SEPTIN9: variants seen among roughly 807,000 people sequenced by gnomAD.
SEPTIN9 encodes the protein septin 9.
A neutral mutation model predicts 56.6 loss-of-function variants in SEPTIN9; 13 were observed. The observed-to-expected ratio is 0.23, with a 90% CI of 0.15 to 0.37. The LOEUF (loss-of-function observed/expected upper bound fraction) is 0.37. SEPTIN9 is among the 10% of genes least tolerant of loss of function. The pLI is 1.00. For synonymous variants in SEPTIN9, 332 were observed against 334.1 expected (o/e 0.99, Z 0.07); for missense variants, 650 against 823.1 (o/e 0.79, Z 2.57).
chr17:77,447,227 C>T (rs2037775254), intron 3 of SEPTIN9: 1 of 166,898 alleles, frequency 6.0e-6, no homozygotes, highest in South Asian at 2.1e-4. Flanking sequence ...GTGCGTAGGC[C>T]TCCGGACGGG....
At chr17:77,357,773 C>T (rs2034299895) in intron 2 of SEPTIN9, among the ~76,000 whole-genome samples, 2 of 152,162 alleles carry the variant, frequency 1.3e-5, no homozygotes, top group Admixed American at 6.5e-5. Flanking sequence ...CACCACCACA[C>T]CCAGCTTCAT....
At chr17:77,370,430 C>T (rs2034683912) in intron 2 of SEPTIN9, among the ~76,000 whole-genome samples, 1 of 152,284 alleles carries the variant, frequency 6.6e-6, no homozygotes, top group South Asian at 2.1e-4. Flanking sequence ...TTAGGGCCCA[C>T]CTTATCTTGA....
At chr17:77,482,481 G>A (rs2039497161) in intron 4 of SEPTIN9, 146 bp downstream of exon 4, 3 of 833,694 alleles carry the variant, frequency 3.6e-6, no homozygotes, top group Admixed American at 2.0e-5. Flanking sequence ...CAGTGACATT[G>A]CGTGTGCATG....
At position 77,369,269 on chromosome 17, in the gene SEPTIN9, G is replaced by C. The variant is rs927915758; in HGVS notation, c.77-32790G>C. 6.6e-6 allele frequency among the ~76,000 whole-genome samples: 1 copy of C among 152,134 alleles called. No homozygotes were observed. Among genetic ancestry groups the C allele is most frequent in the African/African-American group, 2.4e-5 (1 of 41,432 alleles). ...AAAAGAAAGAAATTGGCCAAGGCAG[G>C]AATATTGACACCACAGGAATAGGCA... On this transcript the variant is annotated intron_variant, in intron 2 of 11. Transcript: ENST00000427177. The surrounding 1 kb of genome is among the most constrained non-coding windows in gnomAD (Gnocchi z 4.9).
In SEPTIN9 at chr17:77,425,314, C is replaced by G. The variant is rs1199184999; in HGVS notation, c.721+22611C>G. On this transcript the variant is annotated intron_variant, in intron 3 of 11. Transcript: ENST00000427177. This position sits in a 1 kb window ranked among gnomAD's most constrained non-coding sequence, Gnocchi z 4.2. ...AAGCCTCTGGGCTTTGCAAGCTGGA[C>G]TCCCCAGATCTGTGGCTGTGGGGCC... Among the ~76,000 whole-genome samples, 1 of 152,212 alleles carries G rather than the reference C, an allele frequency of 6.6e-6. No individual in the cohort carries two copies. Among genetic ancestry groups the G allele is most frequent in the Non-Finnish European group, 1.5e-5 (1 of 68,026 alleles).
At chr17:77,373,252 G>A (rs1466031270) in intron 2 of SEPTIN9, 27 of 1,138,360 alleles carry the variant, frequency 2.4e-5, no homozygotes, top group Non-Finnish European at 2.7e-5. Flanking sequence ...GCCGGTGCGG[G>A]TGCGGGAACC....
intron 2 of SEPTIN9, among the ~76,000 whole-genome samples, chr17:77,391,120 C>T (rs2035525933): frequency 6.6e-6 from 1 of 152,190 alleles, no homozygotes; most frequent in East Asian, 1.9e-4. Context: ...AGGCTGCCTC[C>T]TGCCAGGCTA....
intron 2 of SEPTIN9, chr17:77,376,240 T>A: frequency 1.0e-6 from 1 of 985,984 alleles, no homozygotes; most frequent in Non-Finnish European, 1.2e-6. Context: ...CCTGTGAAGA[T>A]CATATGGGCC....
At chr17:77,339,577 T>A (rs1223631799) in intron 2 of SEPTIN9, among the ~76,000 whole-genome samples, 1 of 152,004 alleles carries the variant, frequency 6.6e-6, no homozygotes. Context: ...TGGCATGATC[T>A]CGGCTCATTG....
chr17:77,491,390 G>A (rs1163965522), intron 8 of SEPTIN9, among the ~76,000 whole-genome samples: 1 of 151,962 alleles, frequency 6.6e-6, no homozygotes, highest in African/African-American at 2.4e-5. Flanking sequence ...TAGAGACGAG[G>A]TTTTGCCATG....
rs750202770 is a variant in SEPTIN9 at position 77,402,742 on chromosome 17, T to TG, written c.721+45dup. 1 of 1,515,890 alleles carries TG rather than the reference T, an allele frequency of 6.6e-7. No individual in the cohort carries two copies. The allele number at this position is 1,515,890 out of a possible 1,614,324, so 93.9% of individuals were successfully genotyped here. On this transcript the variant is annotated intron_variant, in intron 3 of 11. Coordinates refer to ENST00000427177, the MANE Select transcript of SEPTIN9 (RefSeq NM_001113491.2). The surrounding 1 kb of genome is among the most constrained non-coding windows in gnomAD (Gnocchi z 6.6). ...CGCTAGGTCTTGGATGCTGTGGTAA[T>TG]GGGGGGCCTGGTTGCTGGCTTTGCC...
chr17:77,490,687 C>A, intron 7 of SEPTIN9, 55 bp from the exon 8 acceptor site: 3 of 1,325,292 alleles, frequency 2.3e-6, no homozygotes, highest in Non-Finnish European at 3.2e-6. Context: ...GGGGTGGGTG[C>A]CCCCCCACTG....
rs1016716505 is a variant in SEPTIN9, at chr17:77,433,803, C to T, written c.721+31100C>T. On this transcript the variant is annotated intron_variant, in intron 3 of 11. Transcript: ENST00000427177. The surrounding 1 kb of genome is among the most constrained non-coding windows in gnomAD (Gnocchi z 6.4). The stretch of plus-strand genomic sequence containing the variant: ...GCCCTCCCCTCCTGGGTATCCCCTG[C>T]GCCCCCCGCCCCAGGCACTTGATGT... Among the ~76,000 whole-genome samples, 3 of 152,120 alleles carry T rather than the reference C, an allele frequency of 2.0e-5. No individual in the cohort carries two copies. The highest frequency in any genetic ancestry group is 2.9e-5 in the Non-Finnish European group (2 of 68,012).
intron 2 of SEPTIN9, among the ~76,000 whole-genome samples, chr17:77,383,579 G>C (rs1225179296): frequency 1.3e-5 from 2 of 152,174 alleles, no homozygotes; most frequent in African/African-American, 2.4e-5. Flanking sequence ...CCGACCCTGG[G>C]GTCTGACGGG....
chr17:77,453,568 G>T lies in SEPTIN9; in HGVS notation c.722-28576G>T, dbSNP rs1476480886. ...TGCAGTGAGCTGAGATTGTGCTACT[G>T]CACTCCAGTCTGGGCAACAAGAGTG... On this transcript the variant is annotated intron_variant, in intron 3 of 11. Coordinates refer to ENST00000427177, the MANE Select transcript of SEPTIN9 (RefSeq NM_001113491.2). This position sits in a 1 kb window ranked among gnomAD's most constrained non-coding sequence, Gnocchi z 4.4. Among the ~76,000 whole-genome samples, 1 of 149,306 alleles carries T rather than the reference G, an allele frequency of 6.7e-6. No individual in the cohort carries two copies. The highest frequency in any genetic ancestry group is 2.5e-5 in the African/African-American group (1 of 40,142).
At chr17:77,333,060 C>G (rs2033423465) in intron 2 of SEPTIN9, among the ~76,000 whole-genome samples, 1 of 152,172 alleles carries the variant, frequency 6.6e-6, no homozygotes, top group African/African-American at 2.4e-5. Flanking sequence ...AGTGGCCCTT[C>G]CATTTCACAC....
rs185816563 is a variant in SEPTIN9, at chr17:77,437,437, T to G, written c.721+34734T>G. ...TCATCTTGCTGGATGTGTGGCTGCC[T>G]TTATGTAACCAACTCTCTCACGGAG... On this transcript the variant is annotated intron_variant, in intron 3 of 11. Transcript: ENST00000427177. The surrounding 1 kb of genome is among the most constrained non-coding windows in gnomAD (Gnocchi z 5.3). Among the ~76,000 whole-genome samples, 17 of 151,586 alleles carry G rather than the reference T, an allele frequency of 1.1e-4. 1 individual carries two copies. Among genetic ancestry groups the G allele is most frequent in the Middle Eastern group, 3.4e-3 (1 of 294 alleles).
chr17:77,287,171 G>C (rs2031318800), intron 1 of SEPTIN9, among the ~76,000 whole-genome samples: 1 of 152,270 alleles, frequency 6.6e-6, no homozygotes, highest in Non-Finnish European at 1.5e-5. Context: ...TGACCAAAGG[G>C]AGTCAGTCCT....
At chr17:77,384,108 T>C (rs972684941) in intron 2 of SEPTIN9, among the ~76,000 whole-genome samples, 2 of 152,138 alleles carry the variant, frequency 1.3e-5, no homozygotes, top group African/African-American at 4.8e-5. Flanking sequence ...GCCCTGACTG[T>C]GACCCGGAGT....
Sources: gnomAD v4.1 joint callset for allele counts (sites outside exome capture counted in the v4.1 genomes callset) on GRCh38, gnomAD v4.1.1 for gene constraint, Gnocchi (gnomAD v3.1) non-coding constraint, MANE v1.5 for transcripts, NCBI Gene and HGNC (gene_info 2026-07-23, HGNC 2026-07-21) for gene names.